The following CAB39 variants were observed in gnomAD, a reference collection of about 807,000 sequenced individuals.
CAB39 encodes calcium binding protein 39.
In CAB39, 8 loss-of-function variants were observed where a neutral mutation model predicts 40.0. The observed-to-expected ratio is 0.20, with a 90% CI of 0.12 to 0.36. The LOEUF is 0.36. Among genes scored for constraint, CAB39 ranks in the 10% least tolerant of loss-of-function variants. The probability of loss-of-function intolerance (pLI) is 1.00; values close to 1 mark genes in which losing one functional copy is unlikely to be tolerated. For missense variants in CAB39, 270 were observed against 401.1 expected (o/e 0.67, Z 2.79); for synonymous variants, 156 against 141.6 (o/e 1.10, Z -0.72).
At chr2:230,799,847 G>A (rs556427257) in intron 5 of CAB39, among the ~76,000 whole-genome samples, 5 of 152,022 alleles carry the variant, frequency 3.3e-5, no homozygotes, top group South Asian at 2.1e-4. Flanking sequence ...AAAATCAGCC[G>A]GGCGTAGTGG....
At chr2:230,722,629 A>G (rs892462517) in intron 1 of CAB39, among the ~76,000 whole-genome samples, 3 of 152,258 alleles carry the variant, frequency 2.0e-5, no homozygotes, top group Admixed American at 6.5e-5. Context: ...GAACCTATAC[A>G]TAAAGTAGTT....
intron 1 of CAB39, among the ~76,000 whole-genome samples, chr2:230,722,781 T>C (rs1234064708): frequency 6.6e-6 from 1 of 152,236 alleles, no homozygotes; most frequent in Non-Finnish European, 1.5e-5. Flanking sequence ...TTTAAGACTT[T>C]AGAAGTGTTT....
At position 230,818,755 on chromosome 2, in the gene CAB39, A is replaced by G. The variant is rs377713869; in HGVS notation, c.*51A>G. 2.3e-5 allele frequency: 32 copies of G among 1,405,614 alleles called. No individual in the cohort carries two copies. The highest frequency in any genetic ancestry group is 2.0e-4 in the African/African-American group (14 of 70,418). The allele number at this position is 1,405,614 out of a possible 1,614,324, so 87.1% of individuals were successfully genotyped here. ...CCAAATTCAGCATTTGCTGTTAGCT[A>G]TTCAGCATCAGGCACTCTTATTGAT... On this transcript the variant is annotated 3_prime_UTR_variant, in exon 9 of 9. Coordinates refer to ENST00000258418, the MANE Select transcript of CAB39 (RefSeq NM_016289.4).
chr2:230,754,050 C>T (rs1459700609), intron 1 of CAB39, among the ~76,000 whole-genome samples: 1 of 152,138 alleles, frequency 6.6e-6, no homozygotes, highest in Non-Finnish European at 1.5e-5. Flanking sequence ...GCAGAAAGGA[C>T]ATCAGTGTGT....
At chr2:230,763,827 A>C (rs1355283464) in intron 2 of CAB39, among the ~76,000 whole-genome samples, 1 of 152,162 alleles carries the variant, frequency 6.6e-6, no homozygotes, top group African/African-American at 2.4e-5. Flanking sequence ...GTTGTTCAGA[A>C]AGTACAAATG....
Position 230,819,691 on chromosome 2 carries a change from G to C in CAB39, c.*987G>C, listed in dbSNP as rs768505756. The C allele has an allele frequency of 6.6e-6, 1 of 152,274 alleles. No individual in the cohort carries two copies. Among genetic ancestry groups the C allele is most frequent in the Non-Finnish European group, 1.5e-5 (1 of 68,030 alleles). The allele number at this position is 152,274 out of a possible 1,614,324, so 9.4% of individuals were successfully genotyped here. On this transcript the variant is annotated 3_prime_UTR_variant, in exon 9 of 9. Coordinates refer to ENST00000258418, the MANE Select transcript of CAB39 (RefSeq NM_016289.4). ...GAAAAAGAAAGTAAACCAGTCCTTT[G>C]TATTCAGTTACCTAATGGGGTGCCA...
intron 1 of CAB39, among the ~76,000 whole-genome samples, chr2:230,720,540 ATTC>A (rs1411693490): frequency 6.6e-6 from 1 of 152,042 alleles, no homozygotes; most frequent in Non-Finnish European, 1.5e-5. Context: ...GGTTCAAGCG[ATTC>A]TCCTACCTCA....
chr2:230,726,986 C>CT (rs1275436203), intron 1 of CAB39, among the ~76,000 whole-genome samples: 2 of 150,762 alleles, frequency 1.3e-5, no homozygotes, highest in East Asian at 3.9e-4. Context: ...TTTATGGAGG[C>CT]TTTTGTTATC....
intron 2 of CAB39, among the ~76,000 whole-genome samples, chr2:230,777,198 G>GA (rs531278095): frequency 3.3e-5 from 5 of 151,828 alleles, no homozygotes; most frequent in African/African-American, 1.2e-4. Context: ...AGACTATAAA[G>GA]AAAAAAATTA....
intron 2 of CAB39, among the ~76,000 whole-genome samples, chr2:230,775,206 C>T (rs1166299712): frequency 1.3e-5 from 2 of 151,290 alleles, no homozygotes; most frequent in African/African-American, 4.8e-5. Flanking sequence ...CCCCCCAAAT[C>T]TGAGCTCTTT....
intron 2 of CAB39, among the ~76,000 whole-genome samples, chr2:230,763,062 A>T (rs1695322861): frequency 1.3e-5 from 2 of 152,260 alleles, no homozygotes; most frequent in Admixed American, 6.5e-5. Context: ...AAACTGAAAA[A>T]TTTAACAATA....
rs533131666 is a variant in CAB39 at position 230,749,416 on chromosome 2, T to A, written c.-43-10543T>A. ...GGAAATGATCATGTATTGATTTTTT[T>A]AAAATACACTTTTTATATTTAGAAA... is the stretch of plus-strand genomic sequence containing the variant. On this transcript the variant is annotated intron_variant, in intron 1 of 8. Transcript: ENST00000258418. Among the ~76,000 whole-genome samples, 23 of 152,292 alleles carry A rather than the reference T, an allele frequency of 1.5e-4. No homozygotes were observed. The South Asian group carries it at 2.5e-3, about 16-fold the overall frequency.
intron 1 of CAB39, among the ~76,000 whole-genome samples, chr2:230,730,236 G>A (rs577278937): frequency 6.6e-6 from 1 of 152,244 alleles, no homozygotes; most frequent in East Asian, 1.9e-4. Flanking sequence ...AGCCTCTCGA[G>A]TAGCTGGGAC....
intron 2 of CAB39, among the ~76,000 whole-genome samples, chr2:230,766,595 G>A (rs1303343030): frequency 6.6e-6 from 1 of 152,202 alleles, no homozygotes; most frequent in Non-Finnish European, 1.5e-5. Flanking sequence ...GAGTGCAGTG[G>A]CACGATCATC....
At chr2:230,776,709 G>T (rs577296934) in intron 2 of CAB39, among the ~76,000 whole-genome samples, 1 of 144,840 alleles carries the variant, frequency 6.9e-6, no homozygotes, top group African/African-American at 2.6e-5. Context: ...TTCCCCCCCC[G>T]AGATGGAGTC....
intron 2 of CAB39, among the ~76,000 whole-genome samples, chr2:230,788,062 C>G (rs1376737544): frequency 3.9e-5 from 6 of 152,128 alleles, no homozygotes; most frequent in Admixed American, 3.9e-4. Flanking sequence ...ACTATATGAT[C>G]CTCTAAGTAC....
chr2:230,757,596 T>C (rs1026296563), intron 1 of CAB39, among the ~76,000 whole-genome samples: 2 of 152,200 alleles, frequency 1.3e-5, no homozygotes, highest in Non-Finnish European at 2.9e-5. Flanking sequence ...TAAACCTCTG[T>C]TACCCTGGAA....
chr2:230,752,981 A>G (rs78584388), intron 1 of CAB39, among the ~76,000 whole-genome samples: 5,746 of 152,278 alleles, frequency 0.038, 142 homozygotes, highest in Non-Finnish European at 0.058. Flanking sequence ...CGGGCTAGAA[A>G]TGGATTTCAG....
At chr2:230,721,522 A>G (rs1226818574) in intron 1 of CAB39, among the ~76,000 whole-genome samples, 1 of 152,216 alleles carries the variant, frequency 6.6e-6, no homozygotes, top group Non-Finnish European at 1.5e-5. Flanking sequence ...TCTCAGCTAT[A>G]TTTGTGCTTA....
Sources: gnomAD v4.1 joint callset for allele counts (sites outside exome capture counted in the v4.1 genomes callset) on GRCh38, gnomAD v4.1.1 for gene constraint, MANE v1.5 for transcripts, NCBI Gene and HGNC (gene_info 2026-07-23, HGNC 2026-07-21) for gene names.